Variants in DSCAM observed in about 807,000 individuals in gnomAD.
DSCAM encodes cell adhesion molecule DSCAM.
In DSCAM, 47 loss-of-function variants were observed where a neutral mutation model predicts 217.7. The ratio of observed to expected loss-of-function variants is 0.22; its 90% confidence interval spans 0.17 to 0.28. DSCAM has a LOEUF of 0.28. Ranked by LOEUF, DSCAM falls within the 10% of genes least tolerant of loss-of-function variation. The pLI is 1.00. For synonymous variants in DSCAM, 1,056 were observed against 1,015.3 expected (o/e 1.04, Z -0.76); for missense variants, 2,080 against 2,618.3 (o/e 0.79, Z 4.49).
At chr21:40,713,583 T>C (rs912647016) in intron 1 of DSCAM, among the ~76,000 whole-genome samples, 1 of 152,098 alleles carries the variant, frequency 6.6e-6, no homozygotes, top group African/African-American at 2.4e-5. Context: ...GGTGTGGGGA[T>C]GAGGAAGGGC....
At chr21:40,697,951 C>A (rs539871341) in intron 2 of DSCAM, among the ~76,000 whole-genome samples, 2 of 152,208 alleles carry the variant, frequency 1.3e-5, no homozygotes, top group African/African-American at 4.8e-5. Context: ...TTAATTCTTC[C>A]AATCAACGAG....
At chr21:40,532,107 C>T (rs1379820599) in intron 3 of DSCAM, among the ~76,000 whole-genome samples, 1 of 152,130 alleles carries the variant, frequency 6.6e-6, no homozygotes. Flanking sequence ...GCTCTCACGG[C>T]TGCTTAAAAG....
intron 1 of DSCAM, among the ~76,000 whole-genome samples, chr21:40,742,117 A>G (rs963632502): frequency 1.1e-4 from 16 of 152,326 alleles, no homozygotes; most frequent in African/African-American, 3.4e-4. Flanking sequence ...GTTGAAGTCC[A>G]AGGTAACCTT....
intron 3 of DSCAM, among the ~76,000 whole-genome samples, chr21:40,488,608 A>G (rs902298736): frequency 6.6e-6 from 1 of 152,172 alleles, no homozygotes; most frequent in African/African-American, 2.4e-5. Context: ...GTAAAAATCA[A>G]ATCATCTCAC....
intron 3 of DSCAM, among the ~76,000 whole-genome samples, chr21:40,450,244 CT>C (rs771416098): frequency 2.0e-5 from 3 of 152,160 alleles, no homozygotes; most frequent in Non-Finnish European, 2.9e-5. Context: ...TTCCTGCTTG[CT>C]TTGATACTGG....
At chr21:40,802,483 A>T (rs1045497055) in intron 1 of DSCAM, among the ~76,000 whole-genome samples, 4 of 152,160 alleles carry the variant, frequency 2.6e-5, no homozygotes, top group Admixed American at 2.6e-4. Flanking sequence ...TTTGGGGGCC[A>T]GGGGCAAAAG....
At chr21:40,422,475 A>ATATAT (rs5844015) in intron 3 of DSCAM, among the ~76,000 whole-genome samples, 27 of 151,508 alleles carry the variant, frequency 1.8e-4, no homozygotes, top group African/African-American at 6.3e-4. Context: ...ACTAAAAAAA[A>ATATAT]ATATATATAT....
At chr21:40,279,179 C>T (rs1368122987) in intron 10 of DSCAM, among the ~76,000 whole-genome samples, 2 of 152,080 alleles carry the variant, frequency 1.3e-5, no homozygotes, top group East Asian at 3.8e-4. Flanking sequence ...ATATGTTTTC[C>T]TCACTTGAGC....
chr21:40,410,038 A>G (rs1201015822), intron 3 of DSCAM, among the ~76,000 whole-genome samples: 2 of 152,276 alleles, frequency 1.3e-5, no homozygotes, highest in Non-Finnish European at 2.9e-5. Context: ...TTAACAGTCC[A>G]AAAAATAAAG....
At chr21:40,045,488 C>T (rs992868816) in intron 30 of DSCAM, among the ~76,000 whole-genome samples, 6 of 152,174 alleles carry the variant, frequency 3.9e-5, no homozygotes, top group African/African-American at 1.2e-4. Flanking sequence ...GTTCTTAGCT[C>T]AACCCTTTGG....
chr21:40,683,322 T>G (rs2090435332), intron 3 of DSCAM, among the ~76,000 whole-genome samples: 1 of 152,094 alleles, frequency 6.6e-6, no homozygotes, highest in African/African-American at 2.4e-5. Flanking sequence ...AGTAGTGAAT[T>G]TCAGTAGATT....
intron 18 of DSCAM, among the ~76,000 whole-genome samples, chr21:40,141,172 A>G (rs2090285337): frequency 6.6e-6 from 1 of 152,186 alleles, no homozygotes; most frequent in South Asian, 2.1e-4. Flanking sequence ...CCACCTGTGG[A>G]GCCCTATGTT....
chr21:40,457,098 G>T (rs2075769789), intron 3 of DSCAM, among the ~76,000 whole-genome samples: 1 of 152,084 alleles, frequency 6.6e-6, no homozygotes, highest in South Asian at 2.1e-4. Context: ...AATTAATCAA[G>T]ATATAAATAC....
chr21:40,752,378 T>C (rs909585042), intron 1 of DSCAM, among the ~76,000 whole-genome samples: 1 of 152,138 alleles, frequency 6.6e-6, no homozygotes, highest in Non-Finnish European at 1.5e-5. Flanking sequence ...CACACATTCC[T>C]GCAGCCAAAT....
intron 1 of DSCAM, among the ~76,000 whole-genome samples, chr21:40,729,964 A>T (rs955078925): frequency 7.9e-5 from 12 of 152,310 alleles, no homozygotes; most frequent in Non-Finnish European, 1.8e-4. Context: ...CTGAAAAGAG[A>T]AGAATCACAT....
At chr21:40,757,362 G>A (rs1010672720) in intron 1 of DSCAM, among the ~76,000 whole-genome samples, 5 of 152,112 alleles carry the variant, frequency 3.3e-5, no homozygotes, top group African/African-American at 1.2e-4. Context: ...ATATATAAAA[G>A]GTCATGTCAC....
chr21:40,723,088 CTCTTT>C (rs934849185), intron 1 of DSCAM, among the ~76,000 whole-genome samples: 4 of 144,226 alleles, frequency 2.8e-5, no homozygotes, highest in African/African-American at 1.1e-4. Flanking sequence ...GTCTCTCTCG[CTCTTT>C]TTTTTTTTTT....
intron 1 of DSCAM, among the ~76,000 whole-genome samples, chr21:40,757,483 T>A (rs2091287923): frequency 6.6e-6 from 1 of 152,184 alleles, no homozygotes; most frequent in Non-Finnish European, 1.5e-5. Context: ...CTCTACTCCT[T>A]CAATCTGGAG....
chr21:40,136,804 T>A (rs1369479587), intron 18 of DSCAM, among the ~76,000 whole-genome samples: 5 of 152,052 alleles, frequency 3.3e-5, no homozygotes, highest in African/African-American at 1.2e-4. Context: ...ATGCAACTCT[T>A]GAATCAGACA....
Sources: gnomAD v4.1 joint callset for allele counts (sites outside exome capture counted in the v4.1 genomes callset) on GRCh38, gnomAD v4.1.1 for gene constraint, MANE v1.5 for transcripts, NCBI Gene and HGNC (gene_info 2026-07-23, HGNC 2026-07-21) for gene names.